Variants in SORBS2 observed in about 807,000 individuals in gnomAD.
SORBS2 encodes the protein sorbin and SH3 domain-containing protein 2.
In SORBS2, 46 loss-of-function variants were observed where a neutral mutation model predicts 97.7. That is an observed-to-expected ratio of 0.47 (90% confidence interval 0.37 to 0.60). SORBS2 has a LOEUF of 0.60. SORBS2 is among the 20% of genes least tolerant of loss of function. SORBS2 has a pLI of 0.00. For missense variants in SORBS2, 1,316 were observed against 1,282.3 expected (o/e 1.03, Z -0.40); for synonymous variants, 476 against 473.4 (o/e 1.01, Z -0.07).
At chr4:185,814,245 A>T (rs1178796475) in intron 1 of SORBS2, among the ~76,000 whole-genome samples, 2 of 152,062 alleles carry the variant, frequency 1.3e-5, no homozygotes, top group Non-Finnish European at 2.9e-5. Flanking sequence ...TTGGCAAGGC[A>T]TAAGAATCTC....
chr4:185,886,761 C>T (rs1050752275), intron 1 of SORBS2, among the ~76,000 whole-genome samples: 27 of 151,838 alleles, frequency 1.8e-4, no homozygotes, highest in Admixed American at 2.6e-4. Flanking sequence ...ACTTGGGAGA[C>T]GTAAAGGATG....
intron 4 of SORBS2, among the ~76,000 whole-genome samples, chr4:185,631,811 AAAC>A (rs1011655213): frequency 4.6e-5 from 7 of 152,292 alleles, no homozygotes; most frequent in Admixed American, 1.3e-4. Context: ...AAACAAAACA[AAAC>A]AAAAGTATAA....
At chr4:185,917,402 G>GT (rs954340025) in intron 1 of SORBS2, among the ~76,000 whole-genome samples, 1 of 152,088 alleles carries the variant, frequency 6.6e-6, no homozygotes, top group Admixed American at 6.6e-5. Flanking sequence ...CATCTTTTGT[G>GT]TTTTTTATAG....
At chr4:185,786,022 C>T (rs2099054868) in intron 1 of SORBS2, among the ~76,000 whole-genome samples, 2 of 152,108 alleles carry the variant, frequency 1.3e-5, no homozygotes, top group South Asian at 4.2e-4. Flanking sequence ...GCAAATTGAT[C>T]TTCAAAAATA....
At chr4:185,625,066 T>C (rs767394659) in intron 6 of SORBS2, among the ~76,000 whole-genome samples, 6 of 152,184 alleles carry the variant, frequency 3.9e-5, no homozygotes, top group Non-Finnish European at 7.3e-5. Context: ...TTCTCCAAAA[T>C]TGCAAAATCA....
intron 1 of SORBS2, among the ~76,000 whole-genome samples, chr4:185,799,695 C>T (rs114384608): frequency 3.7e-4 from 57 of 152,280 alleles, no homozygotes; most frequent in African/African-American, 1.3e-3. Context: ...CAGGAACAAC[C>T]AACACCAGTA....
At chr4:185,693,453 G>T (rs1312246520) in intron 2 of SORBS2, among the ~76,000 whole-genome samples, 1 of 152,066 alleles carries the variant, frequency 6.6e-6, no homozygotes, top group Admixed American at 6.6e-5. Context: ...CTCCTAATAT[G>T]TTAACCTTAA....
chr4:185,598,490 G>C (rs1238913091), intron 12 of SORBS2, among the ~76,000 whole-genome samples: 1 of 152,180 alleles, frequency 6.6e-6, no homozygotes, highest in African/African-American at 2.4e-5. Context: ...CGATCTTAGT[G>C]AGCTACAGTC....
intron 2 of SORBS2, among the ~76,000 whole-genome samples, chr4:185,703,349 T>C (rs2153535367): frequency 6.6e-6 from 1 of 152,330 alleles, no homozygotes; most frequent in Admixed American, 6.5e-5. Flanking sequence ...TGATTCTTTT[T>C]TTATTCTGTT....
chr4:185,784,827 G>A (rs566909067), intron 1 of SORBS2, among the ~76,000 whole-genome samples: 53 of 152,218 alleles, frequency 3.5e-4, no homozygotes, highest in Admixed American at 7.9e-4. Flanking sequence ...TTAAGTCTCC[G>A]GCCCATTATC....
chr4:185,827,319 C>T (rs956573577), intron 1 of SORBS2, among the ~76,000 whole-genome samples: 11 of 150,530 alleles, frequency 7.3e-5, no homozygotes, highest in Non-Finnish European at 1.2e-4. Context: ...TCACCATCAT[C>T]ACCATCATCA....
chr4:185,638,952 A>C (rs2097078465), intron 4 of SORBS2: 6 of 1,523,806 alleles, frequency 3.9e-6, no homozygotes, highest in Non-Finnish European at 5.3e-6. Context: ...AGGGGCTACC[A>C]GTGACTTCTC....
At chr4:185,871,060 G>A (rs959989259) in intron 1 of SORBS2, among the ~76,000 whole-genome samples, 3 of 152,126 alleles carry the variant, frequency 2.0e-5, no homozygotes, top group Non-Finnish European at 2.9e-5. Flanking sequence ...AAAGCAATTA[G>A]TATGCACCTT....
intron 2 of SORBS2, among the ~76,000 whole-genome samples, chr4:185,699,286 T>C (rs1198125326): frequency 9.0e-6 from 1 of 110,770 alleles, no homozygotes; most frequent in South Asian, 2.9e-4. Flanking sequence ...AAATGTACCT[T>C]TTTTTTTTTT....
intron 1 of SORBS2, among the ~76,000 whole-genome samples, chr4:185,824,789 T>C (rs1346902288): frequency 6.6e-6 from 1 of 152,172 alleles, no homozygotes; most frequent in Admixed American, 6.5e-5. Context: ...AGGTGTGATA[T>C]GTTGAAAAGA....
intron 1 of SORBS2, among the ~76,000 whole-genome samples, chr4:185,845,341 A>AT (rs2099213972): frequency 6.6e-6 from 1 of 152,142 alleles, no homozygotes; most frequent in African/African-American, 2.4e-5. Context: ...TTTGAAGTAG[A>AT]TAGTGATGTT....
At chr4:185,734,338 T>TA (rs1219512290) in intron 2 of SORBS2, among the ~76,000 whole-genome samples, 184 bp from the exon 3 acceptor site, 3 of 152,202 alleles carry the variant, frequency 2.0e-5, no homozygotes, top group African/African-American at 7.2e-5. Context: ...GGTGGATACT[T>TA]ACTGTTTTTA....
At chr4:185,664,656 A>G (rs1334773464) in intron 4 of SORBS2, among the ~76,000 whole-genome samples, 1 of 152,218 alleles carries the variant, frequency 6.6e-6, no homozygotes, top group Non-Finnish European at 1.5e-5. Context: ...AGTGTTAGAC[A>G]CAGCCATTGG....
At chr4:185,658,611 C>T (rs1056678080), upstream of SORBS2, among the ~76,000 whole-genome samples, 5 of 151,084 alleles carry the variant, frequency 3.3e-5, no homozygotes, top group Non-Finnish European at 7.4e-5. Flanking sequence ...CAGGGTGGGA[C>T]TCATTGATAT....
Sources: gnomAD v4.1 joint callset for allele counts (sites outside exome capture counted in the v4.1 genomes callset) on GRCh38, gnomAD v4.1.1 for gene constraint, MANE v1.5 for transcripts, NCBI Gene and HGNC (gene_info 2026-07-23, HGNC 2026-07-21) for gene names.